ALX1: variants seen among roughly 807,000 people sequenced by gnomAD.
ALX1 encodes ALX homeobox 1.
Under a neutral mutation model 31.7 loss-of-function variants are expected in ALX1, and 19 were observed. That is an observed-to-expected ratio of 0.60 (90% CI 0.42 to 0.88). ALX1 has a LOEUF of 0.88. Among genes scored for constraint, ALX1 ranks in the 40% least tolerant of loss-of-function variants. The pLI, the probability that ALX1 is intolerant of heterozygous loss-of-function variation, is 0.00. For missense variants in ALX1, 415 were observed against 407.8 expected (o/e 1.02, Z -0.15); for synonymous variants, 153 against 148.8 (o/e 1.03, Z -0.20).
chr12:85,280,258 G>A lies in ALX1; in HGVS notation c.-4G>A, dbSNP rs752310288. On this transcript the variant is annotated 5_prime_UTR_variant, in exon 1 of 4. Transcript: ENST00000316824. ...CAGGAGCTACGCGACAGTCTTCCAG[G>A]ATTATGGAGTTTCTGAGCGAGAAGT... The A allele has an allele frequency of 6.2e-7, 1 of 1,613,056 alleles. No homozygotes were observed. Among genetic ancestry groups the A allele is most frequent in the Non-Finnish European group, 8.5e-7 (1 of 1,179,894 alleles).
Position 85,301,261 on chromosome 12 carries a change from C to A in ALX1, c.767C>A (p.Pro256His). The A allele has an allele frequency of 6.2e-7, 1 of 1,614,010 alleles. No homozygotes were observed. Among genetic ancestry groups the A allele is most frequent in the Non-Finnish European group, 8.5e-7 (1 of 1,179,956 alleles). ...TGTATGACACCTTATTCTCACTCGCCTCGGACAGATTCCAGTTACACGGGG... is the reference window on the plus strand; with the variant it reads ...TGTATGACACCTTATTCTCACTCGCATCGGACAGATTCCAGTTACACGGGG... The part of the protein sequence containing the change: ...SSCMTPYSHS[P>H]RTDSSYTGFS... Residue 256 changes from proline to histidine, a missense_variant, in exon 4 of 4, where the codon CCT (proline) becomes CAT (histidine). Physicochemically the swap from Pro to His is moderately conservative, Grantham distance 77. Around this residue, in one of 3 missense-constraint regions of ALX1, gnomAD observed 174 missense variants for 177.5 expected, o/e 0.98. Coordinates refer to ENST00000316824, the MANE Select transcript of ALX1 (RefSeq NM_006982.3).
chr12:85,292,717 C>A (rs1221939283), intron 3 of ALX1, among the ~76,000 whole-genome samples: 1 of 150,812 alleles, frequency 6.6e-6, no homozygotes. Context: ...AGACTGTAGA[C>A]ATATTGCTTA....
intron 3 of ALX1, among the ~76,000 whole-genome samples, chr12:85,293,870 A>G (rs1011349004): frequency 6.6e-6 from 1 of 151,194 alleles, no homozygotes; most frequent in Admixed American, 6.6e-5. Context: ...ACCTTATGAT[A>G]TACTTTAATC....
chr12:85,280,325 A>G lies in ALX1; in HGVS notation c.64A>G (p.Met22Val). The change falls in exon 1 of 4, where the codon ATG (methionine) becomes GTG (valine). Residue 22 changes from methionine to valine, a missense_variant. Met to Val is a conservative substitution (Grantham distance 21). Transcript: ENST00000316824. ...TCCGAGTAAAAACAGTGACTTTTACATGGGCGCAGGAGGTCCTCTGGAGCA... is the reference window on the plus strand; with the variant it reads ...TCCGAGTAAAAACAGTGACTTTTACGTGGGCGCAGGAGGTCCTCTGGAGCA... The part of the protein sequence containing the change: ...SPPSKNSDFY[M>V]GAGGPLEHVM... 3 of 1,613,908 alleles carry G rather than the reference A, an allele frequency of 1.9e-6. No homozygotes were observed. Among genetic ancestry groups the G allele is most frequent in the Non-Finnish European group, 2.5e-6 (3 of 1,180,042 alleles).
chr12:85,284,072 A>G (rs1206370052), intron 2 of ALX1, among the ~76,000 whole-genome samples, 196 bp downstream of exon 2: 2 of 152,200 alleles, frequency 1.3e-5, no homozygotes, highest in African/African-American at 4.8e-5. Context: ...CGCAATATGT[A>G]AAACAAAAGA....
chr12:85,286,791 A>C, intron 2 of ALX1, 62 bp from the exon 3 acceptor site: 3 of 1,411,318 alleles, frequency 2.1e-6, no homozygotes, highest in Non-Finnish European at 2.9e-6. Context: ...ATGTCTTTTA[A>C]CATCACATTT....
chr12:85,291,115 C>CTTTTGTTAAT (rs1896812342), intron 3 of ALX1, among the ~76,000 whole-genome samples: 1 of 151,048 alleles, frequency 6.6e-6, no homozygotes, highest in Non-Finnish European at 1.5e-5. Context: ...TTGTTATTAA[C>CTTTTGTTAAT]CAGTTTTGTG....
intron 3 of ALX1, among the ~76,000 whole-genome samples, chr12:85,300,039 A>G (rs1896943299): frequency 6.6e-6 from 1 of 151,994 alleles, no homozygotes; most frequent in Non-Finnish European, 1.5e-5. Flanking sequence ...GGGCTGCATC[A>G]TAGTATTACT....
chr12:85,283,450 A>G, intron 1 of ALX1, 122 bp from the exon 2 acceptor site: 1 of 969,470 alleles, frequency 1.0e-6, no homozygotes, highest in South Asian at 1.4e-5. Context: ...TTGAATTAAT[A>G]CTAGCACAAT....
chr12:85,299,311 C>A (rs1457747934), intron 3 of ALX1, among the ~76,000 whole-genome samples: 3 of 151,400 alleles, frequency 2.0e-5, no homozygotes, highest in Non-Finnish European at 4.4e-5. Context: ...TAGCAGCCCT[C>A]TTGTTGGTTT....
chr12:85,294,555 T>G (rs1896861538), intron 3 of ALX1, among the ~76,000 whole-genome samples: 1 of 151,162 alleles, frequency 6.6e-6, no homozygotes, highest in South Asian at 2.1e-4. Context: ...AAAATGTTCT[T>G]TATGTTCTTA....
At chr12:85,284,077 A>C (rs911884967) in intron 2 of ALX1, among the ~76,000 whole-genome samples, 1 of 152,214 alleles carries the variant, frequency 6.6e-6, no homozygotes, top group East Asian at 1.9e-4. Context: ...TATGTAAAAC[A>C]AAAGAACACA....
chr12:85,283,944 G>A, intron 2 of ALX1, 68 bp downstream of exon 2: 3 of 1,550,326 alleles, frequency 1.9e-6, no homozygotes, highest in Non-Finnish European at 2.7e-6. Flanking sequence ...AATTGAATAA[G>A]TGCATTTTGC....
chr12:85,287,749 T>G (rs1325774518), intron 3 of ALX1, among the ~76,000 whole-genome samples: 1 of 151,434 alleles, frequency 6.6e-6, no homozygotes, highest in Non-Finnish European at 1.5e-5. Flanking sequence ...TCCTAATACT[T>G]AATAATGATA....
rs1896755057 is a variant in ALX1 at position 85,286,878 on chromosome 12, A to G, written c.557A>G (p.Lys186Arg). 2 of 1,610,638 alleles carry G rather than the reference A, an allele frequency of 1.2e-6. No homozygotes were observed. The highest frequency in any genetic ancestry group is 1.7e-5 in the Admixed American group (1 of 59,768). Reference sequence around the variant, plus strand: ...GTTTGGTTTCAAAATCGAAGGGCCAAATGGAGAAAAAGGGAACGTTATGGC... The same window carrying G: ...GTTTGGTTTCAAAATCGAAGGGCCAGATGGAGAAAAAGGGAACGTTATGGC... The part of the protein sequence containing the change: ...VQVWFQNRRA[K>R]WRKRERYGQI... Residue 186 changes from lysine (K) to arginine (R), a missense_variant, in exon 3 of 4, where the codon AAA becomes AGA. Lys to Arg is a conservative substitution (Grantham distance 26). This residue lies in a region of ALX1 where 174 missense variants were observed against 177.5 expected (regional missense o/e 0.98). Coordinates refer to ENST00000316824, the MANE Select transcript of ALX1 (RefSeq NM_006982.3).
intron 3 of ALX1, among the ~76,000 whole-genome samples, chr12:85,291,194 A>G (rs1220620317): frequency 1.3e-5 from 2 of 151,222 alleles, no homozygotes; most frequent in Non-Finnish European, 3.0e-5. Context: ...GATTTTGCAG[A>G]CACTTTTCAG....
In ALX1 at chr12:85,286,870, A is replaced by G. The variant is rs1565941159; in HGVS notation, c.549A>G (p.Arg183=). 1.2e-6 allele frequency: 2 copies of G among 1,609,216 alleles called. No homozygotes were observed. The highest frequency in any genetic ancestry group is 1.7e-5 in the Admixed American group (1 of 59,732). The change falls in exon 3 of 4, where the codon CGA becomes CGG. Residue 183 remains arginine, a synonymous_variant. Coordinates refer to ENST00000316824, the MANE Select transcript of ALX1 (RefSeq NM_006982.3). ...EARVQVWFQN[R]RAKWRKRERY... ...ATAATTAGGTTTGGTTTCAAAATCG[A>G]AGGGCCAAATGGAGAAAAAGGGAAC...
intron 3 of ALX1, among the ~76,000 whole-genome samples, chr12:85,294,974 A>T (rs537930432): frequency 6.6e-6 from 1 of 151,362 alleles, no homozygotes; most frequent in Non-Finnish European, 1.5e-5. Context: ...TAAAATGTCA[A>T]TAGACTTATC....
At chr12:85,292,954 T>C (rs1164636506) in intron 3 of ALX1, among the ~76,000 whole-genome samples, 1 of 149,696 alleles carries the variant, frequency 6.7e-6, no homozygotes, top group Non-Finnish European at 1.5e-5. Context: ...ATATTACTAA[T>C]ATAGCGGTAA....
Sources: allele counts gnomAD v4.1 joint callset (sites outside exome capture counted in the v4.1 genomes callset), GRCh38; gene constraint gnomAD v4.1.1; regional missense constraint gnomAD v4.1.1; transcripts MANE v1.5; gene names NCBI Gene and HGNC (gene_info 2026-07-23, HGNC 2026-07-21).